Variants in SRSF7 observed in about 807,000 individuals in gnomAD.
SRSF7 encodes the protein serine/arginine-rich splicing factor 7.
In SRSF7, 15 loss-of-function variants were observed where a neutral mutation model predicts 42.2. The ratio of observed to expected loss-of-function variants is 0.36; its 90% CI spans 0.24 to 0.55. The LOEUF (loss-of-function observed/expected upper bound fraction) is 0.55. Among genes scored for constraint, SRSF7 ranks in the 20% least tolerant of loss-of-function variants. The pLI is 0.88. For synonymous variants in SRSF7, 138 were observed against 107.9 expected, an observed-to-expected ratio of 1.28 and a Z score of -1.73; for missense variants, 181 against 305.9, an observed-to-expected ratio of 0.59 and a Z score of 3.04.
chr2:38,750,252 A>C lies in SRSF7; in HGVS notation c.29-58T>G, dbSNP rs560354593. The C allele has an allele frequency of 1.5e-3, 2,306 of 1,521,566 alleles. 3 individuals are homozygous for C. Among genetic ancestry groups the C allele is most frequent in the Non-Finnish European group, 1.9e-3 (2,161 of 1,124,530 alleles). 94.3% of individuals were successfully genotyped at this position (1,521,566 alleles called of 1,614,324 possible). ...TACGCAAAATCTGGCCCAAGTTTCA[A>C]TTACTTATTTGCCTTAAAACGGGCC... On this transcript the variant is annotated intron_variant, in intron 1 of 7. Transcript: ENST00000313117.
chr2:38,749,896 A>T, intron 2 of SRSF7, 118 bp downstream of exon 2: 1 of 1,317,376 alleles, frequency 7.6e-7, no homozygotes, highest in South Asian at 1.5e-5. Flanking sequence ...TTAGCATTTA[A>T]CACTATGACC....
intron 5 of SRSF7, 116 bp from the exon 6 acceptor site, chr2:38,746,863 C>A: frequency 6.6e-7 from 1 of 1,505,640 alleles, no homozygotes; most frequent in Non-Finnish European, 8.9e-7. Context: ...AAACAAGATG[C>A]AACACTTGCC....
intron 1 of SRSF7, 21 bp from the exon 2 acceptor site, chr2:38,750,215 A>C (rs756808908): frequency 6.3e-7 from 1 of 1,579,096 alleles, no homozygotes; most frequent in South Asian, 1.2e-5. Flanking sequence ...ACGCAAATAG[A>C]AGAATGCACG....
At chr2:38,746,389 T>A (rs576489675) in intron 6 of SRSF7, among the ~76,000 whole-genome samples, 131 of 152,350 alleles carry the variant, frequency 8.6e-4, no homozygotes, top group African/African-American at 1.9e-3. Flanking sequence ...TCATGATTAA[T>A]CTTTTACATT....
At chr2:38,751,397 C>A, upstream of SRSF7, 1 of 1,146,682 alleles carries the variant, frequency 8.7e-7, no homozygotes, top group South Asian at 1.3e-5. Context: ...TATATGCGGC[C>A]GCTGCGCTTT....
At chr2:38,747,823 G>A (rs1285285575) in intron 5 of SRSF7, among the ~76,000 whole-genome samples, 2 of 152,172 alleles carry the variant, frequency 1.3e-5, no homozygotes, top group Non-Finnish European at 2.9e-5. Flanking sequence ...TATTGCTTGG[G>A]ACCCTTGTCT....
intron 5 of SRSF7, 149 bp from the exon 6 acceptor site, chr2:38,746,896 A>C: frequency 7.5e-7 from 1 of 1,336,810 alleles, no homozygotes; most frequent in Non-Finnish European, 1.0e-6. Context: ...ACACACTGTC[A>C]AACAAAGTGT....
intron 6 of SRSF7, 124 bp downstream of exon 6, chr2:38,746,570 C>A: frequency 1.4e-6 from 2 of 1,395,678 alleles, no homozygotes; most frequent in Non-Finnish European, 2.0e-6. Flanking sequence ...AAATAAGGTA[C>A]TGTGTTCCCA....
In SRSF7 at chr2:38,751,333, T is replaced by G; in HGVS notation, c.-77A>C. On this transcript the variant is annotated 5_prime_UTR_variant, in exon 1 of 8. Coordinates refer to ENST00000313117, the MANE Select transcript of SRSF7 (RefSeq NM_001031684.3). ...GTGACGCAAAAGCTGACACACACCT[T>G]CACCCGCCAAGAGTCCCGGCGGCAC... The G allele has an allele frequency of 2.5e-6, 4 of 1,598,350 alleles. No individual in the cohort carries two copies. Among genetic ancestry groups the G allele is most frequent in the South Asian group, 1.1e-5 (1 of 90,698 alleles).
chr2:38,746,788 C>A (rs1667481083), intron 5 of SRSF7, 41 bp from the exon 6 acceptor site: 12 of 1,608,716 alleles, frequency 7.5e-6, no homozygotes, highest in Non-Finnish European at 1.0e-5. Flanking sequence ...ATCAATCAGT[C>A]CAAAGGAATT....
intron 7 of SRSF7, among the ~76,000 whole-genome samples, chr2:38,745,902 C>T (rs1190866380): frequency 6.6e-6 from 1 of 152,114 alleles, no homozygotes; most frequent in Non-Finnish European, 1.5e-5. Context: ...CTACCAAGTA[C>T]TCACAGGACC....
chr2:38,749,918 G>T, intron 2 of SRSF7, 96 bp downstream of exon 2: 1 of 1,376,834 alleles, frequency 7.3e-7, no homozygotes, highest in Non-Finnish European at 9.8e-7. Context: ...GCTATTTAAG[G>T]TCTCTTCCAG....
At chr2:38,746,656 CAT>C in intron 6 of SRSF7, 36 bp downstream of exon 6, 2 of 1,610,098 alleles carry the variant, frequency 1.2e-6, no homozygotes, top group Non-Finnish European at 1.7e-6. Context: ...ATATTGGTGC[CAT>C]ATAACTAGAA....
At position 38,744,403 on chromosome 2, in the gene SRSF7, T is replaced by C; in HGVS notation, c.*730A>G. The C allele has an allele frequency of 1.3e-5, 2 of 152,496 alleles. No homozygotes were observed. Among genetic ancestry groups the C allele is most frequent in the East Asian group, 1.9e-4 (1 of 5,180 alleles). 9.4% of individuals were successfully genotyped at this position (152,496 alleles called of 1,614,324 possible). On this transcript the variant is annotated 3_prime_UTR_variant, in exon 8 of 8. Coordinates refer to ENST00000313117, the MANE Select transcript of SRSF7 (RefSeq NM_001031684.3). Reference sequence around the variant, plus strand: ...TGTAGAAAGCAAAGAAACAAGACCATTGAGAGTAGAACTCCCCATATCTTG... The same window carrying C: ...TGTAGAAAGCAAAGAAACAAGACCACTGAGAGTAGAACTCCCCATATCTTG...
At chr2:38,749,143 T>TTACGGC in intron 3 of SRSF7, 1 of 1,318,372 alleles carries the variant, frequency 7.6e-7, no homozygotes, top group South Asian at 1.2e-5. Flanking sequence ...AAATTTACTG[T>TTACGGC]TACGGCGATC....
At chr2:38,748,713 G>C in intron 3 of SRSF7, 60 bp from the exon 4 acceptor site, 1 of 1,506,200 alleles carries the variant, frequency 6.6e-7, no homozygotes, top group Non-Finnish European at 9.2e-7. Context: ...TTAAGAGTTT[G>C]TGTGCCTCTG....
Position 38,744,905 on chromosome 2 carries a change from C to A in SRSF7, c.*228G>T. The A allele has an allele frequency of 6.6e-6, 3 of 454,140 alleles. No homozygotes were observed. The highest frequency in any genetic ancestry group is 1.2e-5 in the Non-Finnish European group (3 of 257,014). 28.1% of individuals were successfully genotyped at this position (454,140 alleles called of 1,614,324 possible). A position where few individuals can be genotyped will look rare whatever the true frequency, so the allele number is the denominator to read the frequency against. On this transcript the variant is annotated 3_prime_UTR_variant, in exon 8 of 8. Transcript: ENST00000313117. ...CACAAATCAAAAATCTAGTTAGAAA[C>A]ATTTTATTTAAATGTGCCAAATAAA...
chr2:38,748,710 T>C, intron 3 of SRSF7, 57 bp from the exon 4 acceptor site: 1 of 1,527,274 alleles, frequency 6.5e-7, no homozygotes, highest in South Asian at 1.1e-5. Context: ...TTTTTAAGAG[T>C]TTGTGTGCCT....
intron 2 of SRSF7, 57 bp from the exon 3 acceptor site, chr2:38,749,762 A>T: frequency 6.9e-7 from 1 of 1,454,294 alleles, no homozygotes; most frequent in Non-Finnish European, 9.1e-7. Context: ...GGACTTATAG[A>T]TTTAAAAAGA....
Sources: gnomAD v4.1 joint callset for allele counts (sites outside exome capture counted in the v4.1 genomes callset) on GRCh38, gnomAD v4.1.1 for gene constraint, MANE v1.5 for transcripts, NCBI Gene and HGNC (gene_info 2026-07-23, HGNC 2026-07-21) for gene names.